The following KBTBD11 variants were observed in gnomAD, a reference collection of about 807,000 sequenced individuals.
The protein encoded by KBTBD11 is kelch repeat and BTB domain-containing protein 11.
For missense variants in KBTBD11, 1,390 were observed against 1,001.8 expected, an observed-to-expected ratio of 1.39 and a Z score of -5.23; for synonymous variants, 747 against 499.0, an observed-to-expected ratio of 1.50 and a Z score of -6.63.
At chr8:1,974,304 A>G (rs1279678680) in intron 1 of KBTBD11, 10 of 983,870 alleles carry the variant, frequency 1.0e-5, no homozygotes, top group East Asian at 1.2e-4. Context: ...CCGGAAGACA[A>G]TGAGCCGCCC....
chr8:1,983,580 C>T (rs768876210), intron 1 of KBTBD11, among the ~76,000 whole-genome samples: 10 of 152,202 alleles, frequency 6.6e-5, no homozygotes, highest in Admixed American at 3.3e-4. Flanking sequence ...TTGGTGGCAC[C>T]TCCATGAGGG....
chr8:1,976,637 A>C (rs1475878147), intron 1 of KBTBD11, among the ~76,000 whole-genome samples: 1 of 151,546 alleles, frequency 6.6e-6, no homozygotes. Flanking sequence ...AAGTCAGCCT[A>C]GTTCTCTGCT....
intron 1 of KBTBD11, among the ~76,000 whole-genome samples, chr8:1,981,094 A>C (rs1816525820): frequency 6.6e-6 from 1 of 152,210 alleles, no homozygotes; most frequent in Non-Finnish European, 1.5e-5. Flanking sequence ...AGTGAATTTC[A>C]TAGCAGAAAC....
In KBTBD11 at chr8:2,006,295, T is replaced by C. The variant is rs1310500461; in HGVS notation, c.*3231T>C. The C allele has an allele frequency of 2.4e-5, 4 of 167,100 alleles. No homozygotes were observed. The highest frequency in any genetic ancestry group is 5.9e-5 in the Non-Finnish European group (4 of 68,124). The allele number at this position is 167,100 out of a possible 1,614,324, so 10.4% of individuals were successfully genotyped here. ...GGATGTTTTCAACGTTCTTTTGTCT[T>C]TTGCTGAAGTCAGGATAGATTCAAG... is the stretch of plus-strand genomic sequence containing the variant. On this transcript the variant is annotated 3_prime_UTR_variant, in exon 2 of 2. Coordinates refer to ENST00000320248, the MANE Select transcript of KBTBD11 (RefSeq NM_014867.3).
chr8:1,987,541 C>G (rs1301802964), intron 1 of KBTBD11, among the ~76,000 whole-genome samples: 1 of 152,066 alleles, frequency 6.6e-6, no homozygotes, highest in Non-Finnish European at 1.5e-5. Flanking sequence ...CCACCAGACC[C>G]CAAGCACCCC....
At chr8:1,974,235 G>C (rs1268320582) in intron 1 of KBTBD11, 5 of 933,854 alleles carry the variant, frequency 5.4e-6, no homozygotes, top group Non-Finnish European at 6.4e-6. Context: ...CGCGTGGGGG[G>C]CGTGGGGGCC....
Position 1,973,853 on chromosome 8 carries a change from G to T in KBTBD11, c.-991G>T, listed in dbSNP as rs1017346921. 10 of 983,096 alleles carry T rather than the reference G, an allele frequency of 1.0e-5. No homozygotes were observed. In the South Asian group the frequency reaches 4.7e-4, roughly 46 times the overall value. The allele number at this position is 983,096 out of a possible 1,614,324, so 60.9% of individuals were successfully genotyped here. On this transcript the variant is annotated 5_prime_UTR_variant, in exon 1 of 2. Transcript: ENST00000320248. ...CGGGCCGCGGCTCCCACAGGTGCCG[G>T]GAAGCGGCCGCGCGCATGCGCCGGA...
At chr8:1,993,420 TCCACCCACCCAC>T (rs75571845) in intron 1 of KBTBD11, among the ~76,000 whole-genome samples, 19,539 of 139,066 alleles carry the variant, frequency 0.14, 1,392 homozygotes, top group Admixed American at 0.18. Flanking sequence ...CATCCATCCA[TCCACCCACCCAC>T]CCATCCATCC....
At chr8:1,984,711 C>T (rs559168841) in intron 1 of KBTBD11, among the ~76,000 whole-genome samples, 2 of 152,116 alleles carry the variant, frequency 1.3e-5, no homozygotes, top group Non-Finnish European at 2.9e-5. Flanking sequence ...AGCAGGAACT[C>T]ATAGCATTTG....
chr8:1,991,572 C>G (rs997547299), intron 1 of KBTBD11, among the ~76,000 whole-genome samples: 1 of 151,346 alleles, frequency 6.6e-6, no homozygotes, highest in African/African-American at 2.5e-5. Context: ...GGCCCTTGCT[C>G]CTGCATCAGC....
At chr8:1,987,309 C>T (rs1047021907) in intron 1 of KBTBD11, among the ~76,000 whole-genome samples, 1 of 152,170 alleles carries the variant, frequency 6.6e-6, no homozygotes, top group African/African-American at 2.4e-5. Flanking sequence ...AATTGACTCA[C>T]GTTGAGACAT....
rs1817461961 is a variant in KBTBD11 at position 2,003,118 on chromosome 8, C to T, written c.*54C>T. 8.8e-6 allele frequency: 11 copies of T among 1,252,198 alleles called. No individual in the cohort carries two copies. The highest frequency in any genetic ancestry group is 1.0e-6 in the Non-Finnish European group (1 of 991,734). 77.6% of individuals were successfully genotyped at this position (1,252,198 alleles called of 1,614,324 possible). The stretch of plus-strand genomic sequence containing the variant: ...GGCAGGGGTTTGCGGGGCCCAGGTC[C>T]CTTTGGGCCCGCGGAGGAGGACGTG... On this transcript the variant is annotated 3_prime_UTR_variant, in exon 2 of 2. Coordinates refer to ENST00000320248, the MANE Select transcript of KBTBD11 (RefSeq NM_014867.3).
chr8:1,995,992 C>T (rs1215541414), intron 1 of KBTBD11, among the ~76,000 whole-genome samples: 1 of 152,150 alleles, frequency 6.6e-6, no homozygotes, highest in East Asian at 1.9e-4. Flanking sequence ...TGACTGTCCT[C>T]CAGCCTGGAT....
At chr8:1,993,118 T>G (rs2129313473) in intron 1 of KBTBD11, among the ~76,000 whole-genome samples, 1 of 152,112 alleles carries the variant, frequency 6.6e-6, no homozygotes, top group East Asian at 1.9e-4. Flanking sequence ...AATTTTTTTT[T>G]GTATTTTTAG....
rs777067570 is a variant in KBTBD11 at position 2,002,540 on chromosome 8, C to T, written c.1348C>T (p.His450Tyr). ...GCCCCGGGGCGCCTTCGCCGTGGCG[C>T]ATGAGGCCACCACCTGCCACGGCGA... ...PLPRGAFAVA[H>Y]EATTCHGEIY... The change falls in exon 2 of 2, where the codon CAT (histidine) becomes TAT (tyrosine). Residue 450 changes from histidine (H) to tyrosine (Y), a missense_variant. His to Tyr is a moderately conservative substitution (Grantham distance 83). Transcript: ENST00000320248. This position sits in a 1 kb window ranked among gnomAD's most constrained non-coding sequence, Gnocchi z 4.1. The T allele has an allele frequency of 1.3e-6, 2 of 1,561,066 alleles. No homozygotes were observed. Among genetic ancestry groups the T allele is most frequent in the Non-Finnish European group, 8.6e-7 (1 of 1,163,976 alleles).
At chr8:1,989,433 A>C (rs967571736) in intron 1 of KBTBD11, among the ~76,000 whole-genome samples, 17 of 152,102 alleles carry the variant, frequency 1.1e-4, no homozygotes, top group African/African-American at 4.1e-4. Flanking sequence ...CTTGTTTTGG[A>C]CCAAGTTGAC....
At chr8:1,981,981 C>T (rs954493841) in intron 1 of KBTBD11, among the ~76,000 whole-genome samples, 2 of 152,148 alleles carry the variant, frequency 1.3e-5, no homozygotes, top group African/African-American at 2.4e-5. Flanking sequence ...CTAGCAAATC[C>T]CCTCTCATCT....
At chr8:1,993,922 T>TACACACACACACACACACACACACAC (rs57317862) in intron 1 of KBTBD11, among the ~76,000 whole-genome samples, 15 of 139,768 alleles carry the variant, frequency 1.1e-4, no homozygotes, top group South Asian at 4.9e-4. Flanking sequence ...CAATACCCCC[T>TACACACACACACACACACACACACAC]ACACACACAC....
At position 2,000,784 on chromosome 8, in the gene KBTBD11, A is replaced by C; in HGVS notation, c.-409A>C. The C allele has an allele frequency of 5.6e-6, 1 of 177,170 alleles. No homozygotes were observed. Among genetic ancestry groups the C allele is most frequent in the Admixed American group, 6.3e-5 (1 of 15,886 alleles). 11.0% of individuals were successfully genotyped at this position (177,170 alleles called of 1,614,324 possible). On this transcript the variant is annotated 5_prime_UTR_variant, in exon 2 of 2. Coordinates refer to ENST00000320248, the MANE Select transcript of KBTBD11 (RefSeq NM_014867.3). ...GCGTTGCAAAGAGGGATAGCTAGTC[A>C]CTCAGGCTGCAGAGAGAGACACCTG...
Sources: allele counts gnomAD v4.1 joint callset (sites outside exome capture counted in the v4.1 genomes callset), GRCh38; gene constraint gnomAD v4.1.1; non-coding constraint Gnocchi (gnomAD v3.1); transcripts MANE v1.5; gene names NCBI Gene and HGNC (gene_info 2026-07-23, HGNC 2026-07-21).